The following NUP93 variants were observed in gnomAD, a reference collection of about 807,000 sequenced individuals.
The protein encoded by NUP93 is nucleoporin 93, also known as nuclear pore complex protein Nup93.
Under a neutral mutation model 107.8 loss-of-function variants are expected in NUP93, and 55 were observed. The ratio of observed to expected loss-of-function variants is 0.51; its 90% CI spans 0.41 to 0.64. The LOEUF (loss-of-function observed/expected upper bound fraction) is 0.64. Ranked by LOEUF, NUP93 falls within the 30% of genes least tolerant of loss-of-function variation. The probability of loss-of-function intolerance (pLI) is 0.00; values close to 1 mark genes in which losing one functional copy is unlikely to be tolerated. For synonymous variants in NUP93, 390 were observed against 397.5 expected, an observed-to-expected ratio of 0.98 and a Z score of 0.22; for missense variants, 937 against 1,044.7, an observed-to-expected ratio of 0.90 and a Z score of 1.42.
At chr16:56,740,008 C>A (rs1961691481) in intron 1 of NUP93, among the ~76,000 whole-genome samples, 1 of 95,090 alleles carries the variant, frequency 1.1e-5, no homozygotes, top group South Asian at 4.7e-4. Flanking sequence ...CTCCTCACTT[C>A]CCAGTAGGGG....
At chr16:56,788,183 C>A (rs1388156594) in intron 3 of NUP93, among the ~76,000 whole-genome samples, 1 of 152,178 alleles carries the variant, frequency 6.6e-6, no homozygotes, top group Non-Finnish European at 1.5e-5. Context: ...CCCCACTGGA[C>A]TTCTGTTGGT....
intron 2 of NUP93, among the ~76,000 whole-genome samples, chr16:56,757,647 C>G (rs942953656): frequency 6.6e-6 from 1 of 152,144 alleles, no homozygotes; most frequent in Admixed American, 6.5e-5. Context: ...CTATATTATT[C>G]CCATTTCTCT....
chr16:56,752,730 A>T (rs1456092272), intron 2 of NUP93, among the ~76,000 whole-genome samples: 1 of 152,216 alleles, frequency 6.6e-6, no homozygotes, highest in Non-Finnish European at 1.5e-5. Flanking sequence ...AGTTGGAAGA[A>T]TCACACTTGC....
chr16:56,769,818 A>T (rs528232480), intron 3 of NUP93, among the ~76,000 whole-genome samples: 100 of 152,368 alleles, frequency 6.6e-4, no homozygotes, highest in African/African-American at 2.4e-3. Context: ...ACTTATTTGT[A>T]GGTTTAATGC....
At chr16:56,758,679 GAACCCAGAGCATAT>G in intron 3 of NUP93, 24 bp downstream of exon 3, 2 of 1,547,218 alleles carry the variant, frequency 1.3e-6, no homozygotes, top group Non-Finnish European at 1.8e-6. Context: ...AGTGCAGGTG[GAACCCAGAGCATAT>G]AACCCAGGCT....
At chr16:56,794,090 G>GTAGGTAGGTAGA (rs1329055930) in intron 3 of NUP93, among the ~76,000 whole-genome samples, 2 of 75,992 alleles carry the variant, frequency 2.6e-5, no homozygotes, top group East Asian at 6.5e-4. Flanking sequence ...AGGTAGGTAG[G>GTAGGTAGGTAGA]TAGATAGATA....
Position 56,813,603 on chromosome 16 carries a change from C to T in NUP93, c.490-5061C>T, listed in dbSNP as rs1963360559. Among the ~76,000 whole-genome samples, 6 of 152,132 alleles carry T rather than the reference C, an allele frequency of 3.9e-5. No individual in the cohort carries two copies. The South Asian group carries it at 1.2e-3, about 31-fold the overall frequency. Reference sequence around the variant, plus strand: ...TTTTCTGACAGTAGAGGAATGTAGACCCACTCTGCTGCTCTTCCCCATCCT... The same window carrying T: ...TTTTCTGACAGTAGAGGAATGTAGATCCACTCTGCTGCTCTTCCCCATCCT... On this transcript the variant is annotated intron_variant, in intron 5 of 21. Coordinates refer to ENST00000308159, the MANE Select transcript of NUP93 (RefSeq NM_014669.5).
rs1466933559 is a variant in NUP93, at chr16:56,848,273, C to T, written c.*3664C>T. ...GGCCTGACAAAGTCTTGGCAGTCCC[C>T]ACACTGACTGCGAACTCTCCCTTAG... On this transcript the variant is annotated 3_prime_UTR_variant, in exon 22 of 22. Coordinates refer to ENST00000308159, the MANE Select transcript of NUP93 (RefSeq NM_014669.5). 6.6e-6 allele frequency: 1 copy of T among 152,232 alleles called. No homozygotes were observed. The highest frequency in any genetic ancestry group is 2.4e-5 in the African/African-American group (1 of 41,460). 9.4% of individuals were successfully genotyped at this position (152,232 alleles called of 1,614,324 possible). A position where few individuals can be genotyped will look rare whatever the true frequency, so the allele number is the denominator to read the frequency against.
At chr16:56,760,498 G>A (rs1207315216) in intron 3 of NUP93, among the ~76,000 whole-genome samples, 1 of 152,174 alleles carries the variant, frequency 6.6e-6, no homozygotes, top group Non-Finnish European at 1.5e-5. Flanking sequence ...AGGCCTCAGG[G>A]AGCTTTTACT....
At chr16:56,823,669 C>A in intron 7 of NUP93, 38 bp from the exon 8 acceptor site, 2 of 1,607,828 alleles carry the variant, frequency 1.2e-6, no homozygotes, top group South Asian at 1.1e-5. Flanking sequence ...TTTCTCTGGC[C>A]CTGCAGCATT....
chr16:56,803,133 A>G (rs750448210), intron 4 of NUP93, among the ~76,000 whole-genome samples: 3 of 152,106 alleles, frequency 2.0e-5, no homozygotes, highest in East Asian at 3.8e-4. Flanking sequence ...GCTTCCTCCT[A>G]TGAAAGTTTA....
chr16:56,821,771 A>T (rs977396965), intron 7 of NUP93, among the ~76,000 whole-genome samples, 178 bp downstream of exon 7: 20 of 152,048 alleles, frequency 1.3e-4, no homozygotes, highest in African/African-American at 4.8e-4. Flanking sequence ...ATGAATTTTT[A>T]AAAATGCATC....
intron 1 of NUP93, among the ~76,000 whole-genome samples, chr16:56,746,693 A>G (rs1961826001): frequency 6.6e-6 from 1 of 152,248 alleles, no homozygotes; most frequent in South Asian, 2.1e-4. Context: ...CATAGCTGAC[A>G]TATAATTATT....
At chr16:56,749,007 G>A (rs1381687997) in intron 2 of NUP93, among the ~76,000 whole-genome samples, 1 of 152,152 alleles carries the variant, frequency 6.6e-6, no homozygotes, top group Non-Finnish European at 1.5e-5. Flanking sequence ...CCCTAAGAGA[G>A]TGCAGCTGGG....
intron 2 of NUP93, among the ~76,000 whole-genome samples, chr16:56,748,882 C>T (rs762770746): frequency 3.3e-5 from 5 of 152,152 alleles, no homozygotes; most frequent in Non-Finnish European, 7.3e-5. Flanking sequence ...GATGAGAAAC[C>T]ATCCAAGTGA....
intron 1 of NUP93, among the ~76,000 whole-genome samples, chr16:56,733,982 C>A (rs779501898): frequency 1.2e-4 from 18 of 152,212 alleles, no homozygotes; most frequent in Non-Finnish European, 2.5e-4. Flanking sequence ...TCTTCTCTTC[C>A]TTCCTTCATT....
At chr16:56,822,696 G>C (rs1482100208) in intron 7 of NUP93, among the ~76,000 whole-genome samples, 3 of 151,634 alleles carry the variant, frequency 2.0e-5, no homozygotes, top group Non-Finnish European at 2.9e-5. Context: ...GAGTAGCTGG[G>C]ACTACAGGCA....
chr16:56,779,110 A>G (rs905518003), intron 3 of NUP93, among the ~76,000 whole-genome samples: 12 of 152,162 alleles, frequency 7.9e-5, no homozygotes, highest in Non-Finnish European at 1.3e-4. Flanking sequence ...ACCCACCAGT[A>G]CTATTGATCT....
chr16:56,781,922 G>A, intron 3 of NUP93: 1 of 985,306 alleles, frequency 1.0e-6, no homozygotes, highest in Non-Finnish European at 1.2e-6. Context: ...TCCGGGGGCT[G>A]CAGTGCACCC....
Sources: allele counts gnomAD v4.1 joint callset (sites outside exome capture counted in the v4.1 genomes callset), GRCh38; gene constraint gnomAD v4.1.1; transcripts MANE v1.5; gene names NCBI Gene and HGNC (gene_info 2026-07-23, HGNC 2026-07-21).